The following KCNQ3 variants were observed in gnomAD, a reference collection of about 807,000 sequenced individuals.
KCNQ3 encodes potassium voltage-gated channel subfamily KQT member 3.
Under a neutral mutation model 92.5 loss-of-function variants are expected in KCNQ3, and 30 were observed. The ratio of observed to expected loss-of-function variants is 0.32; its 90% confidence interval spans 0.24 to 0.44. KCNQ3 has a LOEUF of 0.44. KCNQ3 is among the 20% of genes least tolerant of loss of function. KCNQ3 has a pLI of 1.00. For missense variants in KCNQ3, 913 were observed against 1,140.3 expected (o/e 0.80, Z 2.87); for synonymous variants, 450 against 468.8 (o/e 0.96, Z 0.52).
At chr8:132,367,318 G>A (rs1402809636) in intron 1 of KCNQ3, among the ~76,000 whole-genome samples, 1 of 152,138 alleles carries the variant, frequency 6.6e-6, no homozygotes, top group African/African-American at 2.4e-5. Context: ...GAAGTTCTTG[G>A]ATTAAACTCC....
intron 1 of KCNQ3, among the ~76,000 whole-genome samples, chr8:132,219,897 T>C (rs925207770): frequency 6.0e-5 from 9 of 150,882 alleles, no homozygotes; most frequent in Admixed American, 2.0e-4. Flanking sequence ...TGTCTTCCAT[T>C]TTACAGATGA....
Position 132,174,326 on chromosome 8 carries a change from A to G in KCNQ3, c.957T>C (p.Tyr319=). 1.3e-6 allele frequency: 2 copies of G among 1,552,258 alleles called. No individual in the cohort carries two copies. Among genetic ancestry groups the G allele is most frequent in the South Asian group, 2.4e-5 (2 of 84,100 alleles). The stretch of plus-strand genomic sequence containing the variant: ...CCCACGTTTTGGGTGTCTTGTCTCC[A>G]TAGCCAATGGTGGCCAGTGTGATCT... The part of the protein sequence containing the change: ...WGLITLATIG[Y]GDKTPKTWEG... Residue 319 remains tyrosine (Y), a synonymous_variant, in exon 6 of 15, where the codon TAT becomes TAC. Coordinates refer to ENST00000388996, the MANE Select transcript of KCNQ3 (RefSeq NM_004519.4).
At chr8:132,330,487 C>T (rs2130659369) in intron 1 of KCNQ3, among the ~76,000 whole-genome samples, 1 of 152,284 alleles carries the variant, frequency 6.6e-6, no homozygotes, top group South Asian at 2.1e-4. Flanking sequence ...AGGCACATCA[C>T]CTTCCTCTCG....
At chr8:132,453,284 C>A (rs1280692805) in intron 1 of KCNQ3, among the ~76,000 whole-genome samples, 3 of 152,162 alleles carry the variant, frequency 2.0e-5, no homozygotes, top group African/African-American at 7.2e-5. Flanking sequence ...CAGACAGCCC[C>A]TGAAGGGCTT....
intron 1 of KCNQ3, among the ~76,000 whole-genome samples, chr8:132,286,271 C>T (rs1816678157): frequency 6.6e-6 from 1 of 152,218 alleles, no homozygotes; most frequent in Admixed American, 6.5e-5. Context: ...ACGTGGACTG[C>T]ACCCAGCAAA....
chr8:132,354,756 T>C (rs367617025), intron 1 of KCNQ3, among the ~76,000 whole-genome samples: 8 of 152,244 alleles, frequency 5.3e-5, no homozygotes, highest in Non-Finnish European at 7.3e-5. Flanking sequence ...GCCATATAGA[T>C]CTTGGATCTC....
Position 132,480,193 on chromosome 8 carries a change from C to A in KCNQ3, c.340G>T (p.Ala114Ser). 6.2e-7 allele frequency: 1 copy of A among 1,613,286 alleles called. No homozygotes were observed. The highest frequency in any genetic ancestry group is 1.3e-5 in the African/African-American group (1 of 74,986). The stretch of plus-strand genomic sequence containing the variant: ...GCCCAGCCCCGCGGTCTCTCCAGGG[C>A]GTCGTAGATCAAAGTTTGGATGCGC... ...YRRIQTLIYD[A>S]LERPRGWALL... Residue 114 changes from alanine to serine, a missense_variant, in exon 1 of 15, where the codon GCC becomes TCC. Ala to Ser is a moderately conservative substitution (Grantham distance 99, BLOSUM62 1). Around this residue, in one of 6 missense-constraint regions of KCNQ3, gnomAD observed 100 missense variants for 217.6 expected, o/e 0.46. Coordinates refer to ENST00000388996, the MANE Select transcript of KCNQ3 (RefSeq NM_004519.4).
chr8:132,389,858 C>A (rs764284359), intron 1 of KCNQ3, among the ~76,000 whole-genome samples: 1 of 152,168 alleles, frequency 6.6e-6, no homozygotes, highest in Non-Finnish European at 1.5e-5. Flanking sequence ...CAGGAAAACA[C>A]CTAGACATTA....
intron 1 of KCNQ3, among the ~76,000 whole-genome samples, chr8:132,273,066 G>A (rs1190651342): frequency 6.6e-6 from 1 of 152,174 alleles, no homozygotes; most frequent in Non-Finnish European, 1.5e-5. Context: ...GGGTCTGGAG[G>A]ATGGCGGCCT....
At chr8:132,365,150 A>G (rs936627904) in intron 1 of KCNQ3, among the ~76,000 whole-genome samples, 33 of 152,194 alleles carry the variant, frequency 2.2e-4, no homozygotes, top group Non-Finnish European at 4.7e-4. Context: ...TTACACCCAG[A>G]GTCAAGCATG....
At chr8:132,290,975 T>C (rs1041181184) in intron 1 of KCNQ3, among the ~76,000 whole-genome samples, 4 of 152,156 alleles carry the variant, frequency 2.6e-5, no homozygotes, top group African/African-American at 9.7e-5. Flanking sequence ...TACAGTGCCA[T>C]GGAAGCTAAA....
intron 1 of KCNQ3, among the ~76,000 whole-genome samples, chr8:132,350,169 C>CA (rs919578952): frequency 1.6e-4 from 25 of 152,196 alleles, no homozygotes; most frequent in African/African-American, 5.8e-4. Flanking sequence ...ATACATCTTG[C>CA]AGACACTGAA....
chr8:132,162,782 G>A (rs1826028834), intron 9 of KCNQ3, among the ~76,000 whole-genome samples: 1 of 152,198 alleles, frequency 6.6e-6, no homozygotes, highest in African/African-American at 2.4e-5. Flanking sequence ...CTGTTCTCAA[G>A]TGGCTCCCCT....
rs535262622 is a variant in KCNQ3 at position 132,417,932 on chromosome 8, G to A, written c.386+62215C>T. Among the ~76,000 whole-genome samples, 13 of 152,318 alleles carry A rather than the reference G, an allele frequency of 8.5e-5. No individual in the cohort carries two copies. In the South Asian group the frequency reaches 2.7e-3, roughly 32 times the overall value. On this transcript the variant is annotated intron_variant, in intron 1 of 14. Coordinates refer to ENST00000388996, the MANE Select transcript of KCNQ3 (RefSeq NM_004519.4). ...AGACCCATGAGCCAGCCAGAGGGCA[G>A]CAGAGTGAGGATGGCTTCAATCCAC...
intron 1 of KCNQ3, among the ~76,000 whole-genome samples, chr8:132,365,194 G>A (rs144098472): frequency 9.8e-5 from 15 of 152,316 alleles, no homozygotes; most frequent in Non-Finnish European, 2.1e-4. Context: ...AAAAAATCAC[G>A]TTGAACAAAT....
chr8:132,209,983 G>C (rs1225479232), intron 1 of KCNQ3, among the ~76,000 whole-genome samples: 1 of 152,096 alleles, frequency 6.6e-6, no homozygotes, highest in Non-Finnish European at 1.5e-5. Flanking sequence ...ATCTTTTCTA[G>C]AAAATTTTAT....
chr8:132,288,351 A>G (rs1816737732), intron 1 of KCNQ3, among the ~76,000 whole-genome samples: 1 of 152,222 alleles, frequency 6.6e-6, no homozygotes, highest in South Asian at 2.1e-4. Context: ...ACAGGACACT[A>G]TGAGGCATCT....
intron 1 of KCNQ3, among the ~76,000 whole-genome samples, chr8:132,390,140 G>T (rs1820010783): frequency 6.6e-6 from 1 of 152,194 alleles, no homozygotes; most frequent in Non-Finnish European, 1.5e-5. Flanking sequence ...AAGACTTAGT[G>T]GAAAAAGCTA....
chr8:132,363,049 G>A (rs1819216541), intron 1 of KCNQ3, among the ~76,000 whole-genome samples: 1 of 152,066 alleles, frequency 6.6e-6, no homozygotes, highest in African/African-American at 2.4e-5. Flanking sequence ...TAGACTCAAT[G>A]GGTACTGCCA....
Sources: gnomAD v4.1 joint callset for allele counts (sites outside exome capture counted in the v4.1 genomes callset) on GRCh38, gnomAD v4.1.1 for gene constraint, gnomAD v4.1.1 regional missense constraint, MANE v1.5 for transcripts, NCBI Gene and HGNC (gene_info 2026-07-23, HGNC 2026-07-21) for gene names.